NXPH2: variants seen among roughly 807,000 people sequenced by gnomAD.
NXPH2 encodes the protein neurexophilin 2, also known as neurexophilin-2.
In NXPH2, 5 loss-of-function variants were observed where a neutral mutation model predicts 19.8. The ratio of observed to expected loss-of-function variants is 0.25; its 90% CI spans 0.13 to 0.53. NXPH2 has a LOEUF of 0.53. NXPH2 is among the 20% of genes least tolerant of loss of function. NXPH2 has a pLI of 0.96. For missense variants in NXPH2, 289 were observed against 322.8 expected, an observed-to-expected ratio of 0.90 and a Z score of 0.80; for synonymous variants, 154 against 127.4, an observed-to-expected ratio of 1.21 and a Z score of -1.41.
chr2:138,774,509 A>G lies in NXPH2; in HGVS notation c.51+5682T>C, dbSNP rs1295612114. Among the ~76,000 whole-genome samples, 7 of 152,260 alleles carry G rather than the reference A, an allele frequency of 4.6e-5. 1 individual carries two copies. The highest frequency in any genetic ancestry group is 2.9e-5 in the Non-Finnish European group (2 of 68,046). On this transcript the variant is annotated intron_variant, in intron 1 of 1. Transcript: ENST00000272641. The stretch of plus-strand genomic sequence containing the variant: ...TACAGTAACTAAAGATGTAAATCAT[A>G]TGAAGAAAAATTCAGAACCCCTGTT...
chr2:138,726,581 C>A (rs1488426798), intron 1 of NXPH2, among the ~76,000 whole-genome samples: 1 of 150,412 alleles, frequency 6.6e-6, no homozygotes, highest in East Asian at 1.9e-4. Flanking sequence ...GCACCAAAGG[C>A]CAAATTTTAT....
intron 1 of NXPH2, among the ~76,000 whole-genome samples, chr2:138,689,011 C>T (rs963785902): frequency 6.6e-6 from 1 of 152,190 alleles, no homozygotes; most frequent in Non-Finnish European, 1.5e-5. Flanking sequence ...ATGTGTAAGC[C>T]TCCCCACTAA....
chr2:138,754,632 T>A (rs1681879022), intron 1 of NXPH2, among the ~76,000 whole-genome samples: 1 of 152,278 alleles, frequency 6.6e-6, no homozygotes, highest in East Asian at 1.9e-4. Flanking sequence ...TAATTATAAA[T>A]AAAGCTGCTA....
intron 1 of NXPH2, among the ~76,000 whole-genome samples, chr2:138,760,114 TA>T (rs1320538164): frequency 6.6e-6 from 1 of 152,138 alleles, no homozygotes; most frequent in Admixed American, 6.5e-5. Flanking sequence ...TTATTTTAAA[TA>T]AAAAAATTAA....
intron 1 of NXPH2, among the ~76,000 whole-genome samples, chr2:138,741,422 A>G (rs1681640002): frequency 6.6e-6 from 1 of 152,118 alleles, no homozygotes; most frequent in Admixed American, 6.6e-5. Context: ...CTTTGAAGAG[A>G]TTTTAGAGAA....
intron 1 of NXPH2, among the ~76,000 whole-genome samples, chr2:138,725,297 C>G (rs1474818681): frequency 6.6e-6 from 1 of 152,184 alleles, no homozygotes; most frequent in Non-Finnish European, 1.5e-5. Flanking sequence ...TAAATGGACA[C>G]TGAGCTTGCA....
intron 1 of NXPH2, among the ~76,000 whole-genome samples, chr2:138,760,528 T>C: frequency 6.6e-6 from 1 of 152,204 alleles, no homozygotes; most frequent in East Asian, 1.9e-4. Context: ...AAATCATCTA[T>C]CATCAAAAAT....
At chr2:138,716,538 A>G (rs1558920706) in intron 1 of NXPH2, among the ~76,000 whole-genome samples, 1 of 152,202 alleles carries the variant, frequency 6.6e-6, no homozygotes, top group Admixed American at 6.5e-5. Context: ...TGTTGTTTCC[A>G]GAACTGTGAG....
At chr2:138,775,558 A>C (rs1283077957) in intron 1 of NXPH2, among the ~76,000 whole-genome samples, 1 of 152,164 alleles carries the variant, frequency 6.6e-6, no homozygotes, top group Non-Finnish European at 1.5e-5. Flanking sequence ...CTTATGACGA[A>C]ATAGTGTTAG....
At chr2:138,741,234 G>A (rs1428946468) in intron 1 of NXPH2, among the ~76,000 whole-genome samples, 5 of 152,140 alleles carry the variant, frequency 3.3e-5, no homozygotes, top group African/African-American at 1.2e-4. Context: ...ATGCAGGGGC[G>A]TTAGTCCATG....
At chr2:138,771,596 G>C (rs1216540908) in intron 1 of NXPH2, among the ~76,000 whole-genome samples, 1 of 152,208 alleles carries the variant, frequency 6.6e-6, no homozygotes, top group Non-Finnish European at 1.5e-5. Context: ...CTTGCTAAGG[G>C]AGCAGGGCAG....
intron 1 of NXPH2, among the ~76,000 whole-genome samples, chr2:138,752,276 T>C (rs1463068870): frequency 6.6e-6 from 1 of 152,110 alleles, no homozygotes. Context: ...GGGGTTGTGA[T>C]GGGGATTGAA....
At chr2:138,761,737 G>A (rs1012337301) in intron 1 of NXPH2, among the ~76,000 whole-genome samples, 2 of 152,210 alleles carry the variant, frequency 1.3e-5, no homozygotes, top group East Asian at 3.9e-4. Context: ...CTGGCCCCTC[G>A]CAGATGTAAG....
intron 1 of NXPH2, among the ~76,000 whole-genome samples, chr2:138,691,209 G>T (rs1462003128): frequency 6.6e-6 from 1 of 152,172 alleles, no homozygotes; most frequent in Non-Finnish European, 1.5e-5. Context: ...TACTTGTTGG[G>T]TTTCCAGGTG....
chr2:138,709,753 T>G (rs1681068823), intron 1 of NXPH2, among the ~76,000 whole-genome samples: 1 of 152,220 alleles, frequency 6.6e-6, no homozygotes. Context: ...ATCATCTAAT[T>G]GGAATCAGTA....
intron 1 of NXPH2, among the ~76,000 whole-genome samples, chr2:138,737,422 T>G (rs1357018301): frequency 6.6e-6 from 1 of 152,126 alleles, no homozygotes; most frequent in Non-Finnish European, 1.5e-5. Context: ...TTCACTATCA[T>G]GAGAACAGTA....
chr2:138,686,689 T>C (rs558819900), intron 1 of NXPH2, among the ~76,000 whole-genome samples: 34 of 152,296 alleles, frequency 2.2e-4, no homozygotes, highest in South Asian at 1.0e-3. Context: ...CTCCTAATGC[T>C]ATCCCTCCCC....
At chr2:138,773,098 G>A (rs1392085469) in intron 1 of NXPH2, among the ~76,000 whole-genome samples, 1 of 152,208 alleles carries the variant, frequency 6.6e-6, no homozygotes, top group African/African-American at 2.4e-5. Context: ...GTTCAGCACA[G>A]ATGTGTGTGG....
At chr2:138,747,399 C>T (rs1681755711) in intron 1 of NXPH2, among the ~76,000 whole-genome samples, 1 of 152,150 alleles carries the variant, frequency 6.6e-6, no homozygotes, top group South Asian at 2.1e-4. Context: ...TGCTTTGACA[C>T]TAACTGGATG....
Sources: gnomAD v4.1 joint callset for allele counts (sites outside exome capture counted in the v4.1 genomes callset) on GRCh38, gnomAD v4.1.1 for gene constraint, MANE v1.5 for transcripts, NCBI Gene and HGNC (gene_info 2026-07-23, HGNC 2026-07-21) for gene names.